The following DCBLD2 variants were observed in gnomAD, a reference collection of about 807,000 sequenced individuals.
DCBLD2 encodes the protein discoidin, CUB and LCCL domain-containing protein 2.
In DCBLD2, 54 loss-of-function variants were observed where a neutral mutation model predicts 86.8. The observed-to-expected ratio is 0.62, with a 90% CI of 0.50 to 0.78. The LOEUF is 0.78. Ranked by LOEUF, DCBLD2 falls within the 30% of genes least tolerant of loss-of-function variation. DCBLD2 has a pLI of 0.00. For missense variants in DCBLD2, 908 were observed against 954.2 expected (o/e 0.95, Z 0.64); for synonymous variants, 354 against 341.3 (o/e 1.04, Z -0.41).
chr3:98,832,172 C>T (rs142592287), intron 3 of DCBLD2, among the ~76,000 whole-genome samples: 265 of 152,266 alleles, frequency 1.7e-3, no homozygotes, highest in Admixed American at 6.5e-3. Flanking sequence ...TCTTGTTGAA[C>T]TGAATGCTTT....
At chr3:98,835,993 C>T (rs71625284) in intron 3 of DCBLD2, among the ~76,000 whole-genome samples, 6,546 of 119,082 alleles carry the variant, frequency 0.055, 208 homozygotes, top group Non-Finnish European at 0.066. Flanking sequence ...TGAGGAGAAT[C>T]TAAATTCTTT....
chr3:98,864,817 A>C (rs1293682949), intron 2 of DCBLD2, among the ~76,000 whole-genome samples: 5 of 151,114 alleles, frequency 3.3e-5, no homozygotes, highest in Non-Finnish European at 7.4e-5. Context: ...AAAAACCTGC[A>C]CACTGTGCAC....
At chr3:98,863,432 G>A (rs548038471) in intron 2 of DCBLD2, among the ~76,000 whole-genome samples, 36 of 152,210 alleles carry the variant, frequency 2.4e-4, no homozygotes, top group African/African-American at 3.4e-4. Flanking sequence ...AGAACAAAGC[G>A]GGAGGCATCA....
At chr3:98,862,488 G>A (rs531697426) in intron 2 of DCBLD2, among the ~76,000 whole-genome samples, 15 of 152,110 alleles carry the variant, frequency 9.9e-5, no homozygotes, top group South Asian at 2.1e-4. Context: ...CTGGCAAACC[G>A]AATCCAGCAG....
chr3:98,826,656 C>T (rs1483788472), intron 3 of DCBLD2, among the ~76,000 whole-genome samples: 3 of 152,192 alleles, frequency 2.0e-5, no homozygotes, highest in African/African-American at 7.2e-5. Context: ...TGTTTGTCCT[C>T]ACCTTTGTAT....
intron 2 of DCBLD2, among the ~76,000 whole-genome samples, chr3:98,877,273 T>A (rs1242997810): frequency 6.6e-6 from 1 of 152,176 alleles, no homozygotes; most frequent in African/African-American, 2.4e-5. Context: ...GAAGGGCAGG[T>A]GGTGGTGGAG....
intron 3 of DCBLD2, among the ~76,000 whole-genome samples, chr3:98,838,854 G>A (rs555099524): frequency 7.2e-5 from 11 of 152,180 alleles, no homozygotes; most frequent in Admixed American, 3.9e-4. Flanking sequence ...AGACCGGCCC[G>A]GCCAACACAG....
At chr3:98,872,547 C>T (rs1943297779) in intron 2 of DCBLD2, among the ~76,000 whole-genome samples, 1 of 152,062 alleles carries the variant, frequency 6.6e-6, no homozygotes, top group Admixed American at 6.6e-5. Flanking sequence ...CGTAGCCACA[C>T]TAAACAGAAT....
At chr3:98,826,373 G>A (rs1942221320) in intron 3 of DCBLD2, among the ~76,000 whole-genome samples, 1 of 152,202 alleles carries the variant, frequency 6.6e-6, no homozygotes, top group African/African-American at 2.4e-5. Context: ...GACTTGTAAG[G>A]CTTTCCCACT....
At chr3:98,895,378 A>G (rs774290544) in intron 1 of DCBLD2, 2 of 152,192 alleles carry the variant, frequency 1.3e-5, no homozygotes, top group Non-Finnish European at 2.9e-5. Flanking sequence ...ACGTTTTTCC[A>G]ATAACTGGGC....
intron 9 of DCBLD2, among the ~76,000 whole-genome samples, chr3:98,817,418 T>TG (rs2107442602): frequency 6.6e-6 from 1 of 152,304 alleles, no homozygotes; most frequent in Admixed American, 6.5e-5. Flanking sequence ...AGTAGAAATC[T>TG]GGGAACAAAG....
intron 6 of DCBLD2, 198 bp downstream of exon 6, chr3:98,822,030 G>A: frequency 1.5e-6 from 1 of 687,886 alleles, no homozygotes; most frequent in South Asian, 1.5e-5. Flanking sequence ...TGGGCAATGA[G>A]AGCGAAACTC....
At chr3:98,812,894 G>C (rs1232791061) in intron 9 of DCBLD2, 2 of 152,890 alleles carry the variant, frequency 1.3e-5, no homozygotes, top group African/African-American at 4.8e-5. Context: ...CAAGTCTTAG[G>C]GGAAATATTT....
chr3:98,897,281 C>T (rs1184966838), intron 1 of DCBLD2, among the ~76,000 whole-genome samples: 4 of 152,136 alleles, frequency 2.6e-5, no homozygotes, highest in African/African-American at 9.6e-5. Context: ...TTTTCATTTA[C>T]AAGTTTCAAA....
chr3:98,825,991 A>G (rs572313955), intron 3 of DCBLD2, among the ~76,000 whole-genome samples: 3 of 152,238 alleles, frequency 2.0e-5, no homozygotes, highest in African/African-American at 7.2e-5. Context: ...ATCTGTTTTA[A>G]CAAGTCCTCT....
chr3:98,852,249 CT>C (rs35325243), intron 2 of DCBLD2, among the ~76,000 whole-genome samples: 24,791 of 146,642 alleles, frequency 0.17, 2,166 homozygotes, highest in South Asian at 0.24. Flanking sequence ...TAGGATATTT[CT>C]TTTTTTTTTT....
At chr3:98,860,872 C>A (rs1368823252) in intron 2 of DCBLD2, among the ~76,000 whole-genome samples, 1 of 152,128 alleles carries the variant, frequency 6.6e-6, no homozygotes, top group South Asian at 2.1e-4. Flanking sequence ...TCACACATAA[C>A]AATATTAACC....
chr3:98,809,213 G>T (rs139988815), intron 12 of DCBLD2, among the ~76,000 whole-genome samples: 276 of 152,178 alleles, frequency 1.8e-3, no homozygotes, highest in Admixed American at 6.5e-3. Flanking sequence ...AGGTCACTTG[G>T]GATATTAGTT....
intron 2 of DCBLD2, among the ~76,000 whole-genome samples, chr3:98,851,143 G>A (rs1942828730): frequency 6.6e-6 from 1 of 152,172 alleles, no homozygotes; most frequent in South Asian, 2.1e-4. Flanking sequence ...CAGGAAGTGA[G>A]GAAGTAAAAT....
Sources: allele counts gnomAD v4.1 joint callset (sites outside exome capture counted in the v4.1 genomes callset), GRCh38; gene constraint gnomAD v4.1.1; transcripts MANE v1.5; gene names NCBI Gene and HGNC (gene_info 2026-07-23, HGNC 2026-07-21).